ADAMTS17: variants seen among roughly 807,000 people sequenced by gnomAD.
The protein encoded by ADAMTS17 is ADAM metallopeptidase with thrombospondin type 1 motif 17.
ADAMTS17 carries 113 observed loss-of-function variants against 141.5 expected under a neutral mutation model. The observed-to-expected ratio is 0.80, with a 90% CI of 0.69 to 0.93. The LOEUF is 0.93. Among genes scored for constraint, ADAMTS17 ranks in the 40% least tolerant of loss-of-function variants. ADAMTS17 has a pLI of 0.00. For synonymous variants in ADAMTS17, 768 were observed against 630.6 expected, an observed-to-expected ratio of 1.22 and a Z score of -3.27; for missense variants, 1,659 against 1,517.9, an observed-to-expected ratio of 1.09 and a Z score of -1.54.
chr15:100,063,586 C>A, intron 15 of ADAMTS17: 1 of 1,128,276 alleles, frequency 8.9e-7, no homozygotes, highest in Non-Finnish European at 1.2e-6. Flanking sequence ...CCAGCCATAA[C>A]CCGGGAGGAA....
chr15:100,158,123 G>A (rs908550056), intron 8 of ADAMTS17, among the ~76,000 whole-genome samples: 1 of 152,112 alleles, frequency 6.6e-6, no homozygotes, highest in Non-Finnish European at 1.5e-5. Context: ...TCTTGACCTT[G>A]TGATCCGCCC....
At position 100,341,139 on chromosome 15, in the gene ADAMTS17, C is replaced by A; in HGVS notation, c.350G>T (p.Arg117Leu). 1.4e-6 allele frequency: 2 copies of A among 1,434,492 alleles called. No homozygotes were observed. Among genetic ancestry groups the A allele is most frequent in the Admixed American group, 2.8e-5 (1 of 35,374 alleles). 88.9% of individuals were successfully genotyped at this position (1,434,492 alleles called of 1,614,324 possible). A position where few individuals can be genotyped will look rare whatever the true frequency, so the allele number is the denominator to read the frequency against. The change falls in exon 2 of 22, where the codon CGC (arginine) becomes CTC (leucine). Residue 117 changes from arginine to leucine, a missense_variant. Physicochemically the swap from Arg to Leu is moderately radical, Grantham distance 102. Transcript: ENST00000268070. ...FEVEEAGAAR[R>L]RGRPAELCFY... The stretch of plus-strand genomic sequence containing the variant: ...GCACAGCTCGGCGGGGCGGCCGCGG[C>A]GCCGGGCCGCGCCCGCCTCCTCCAC...
intron 3 of ADAMTS17, among the ~76,000 whole-genome samples, chr15:100,296,202 C>G (rs960133375): frequency 2.6e-5 from 4 of 152,094 alleles, no homozygotes; most frequent in Non-Finnish European, 5.9e-5. Flanking sequence ...AACACACGCA[C>G]TTGCAAACAA....
At chr15:100,244,747 G>A (rs553009908) in intron 7 of ADAMTS17, among the ~76,000 whole-genome samples, 2 of 152,172 alleles carry the variant, frequency 1.3e-5, no homozygotes, top group Admixed American at 6.5e-5. Flanking sequence ...AACCGGAGCA[G>A]GACCCTTGTT....
intron 14 of ADAMTS17, among the ~76,000 whole-genome samples, chr15:100,099,977 G>C (rs1242365256): frequency 1.3e-5 from 2 of 152,184 alleles, no homozygotes; most frequent in African/African-American, 4.8e-5. Flanking sequence ...AGGGACAACA[G>C]CCTCCTGGTC....
At chr15:100,063,262 G>A (rs1481519961) in intron 15 of ADAMTS17, among the ~76,000 whole-genome samples, 1 of 152,130 alleles carries the variant, frequency 6.6e-6, no homozygotes, top group Non-Finnish European at 1.5e-5. Flanking sequence ...TCTTTTTCCA[G>A]CTAAGAAGTC....
intron 7 of ADAMTS17, among the ~76,000 whole-genome samples, chr15:100,200,779 G>A (rs919060492): frequency 2.0e-5 from 3 of 152,174 alleles, no homozygotes; most frequent in African/African-American, 7.2e-5. Flanking sequence ...CCACCAGGAA[G>A]GAGCACTTGC....
chr15:100,255,617 A>AACACACAC (rs10529356), intron 6 of ADAMTS17, among the ~76,000 whole-genome samples: 87 of 140,290 alleles, frequency 6.2e-4, no homozygotes, highest in African/African-American at 1.1e-3. Context: ...TGTTTTGAGC[A>AACACACAC]ACACACACAC....
At chr15:100,058,074 G>A (rs990285558) in intron 15 of ADAMTS17, among the ~76,000 whole-genome samples, 25 of 151,358 alleles carry the variant, frequency 1.7e-4, no homozygotes, top group Non-Finnish European at 3.2e-4. Flanking sequence ...CCCCTGAGAG[G>A]CAGAAGGCCT....
intron 20 of ADAMTS17, among the ~76,000 whole-genome samples, chr15:99,990,163 G>A (rs2060662893): frequency 6.6e-6 from 1 of 152,160 alleles, no homozygotes; most frequent in Admixed American, 6.5e-5. Context: ...AGCCTCCTAA[G>A]GAGCTAAGAC....
intron 8 of ADAMTS17, among the ~76,000 whole-genome samples, chr15:100,183,482 A>G (rs146573864): frequency 1.6e-4 from 24 of 152,296 alleles, no homozygotes; most frequent in Non-Finnish European, 1.5e-5. Context: ...TTTCAGTTCT[A>G]TAATTTTCAT....
intron 9 of ADAMTS17, among the ~76,000 whole-genome samples, chr15:100,154,011 T>G (rs1342171001): frequency 6.6e-6 from 1 of 152,164 alleles, no homozygotes; most frequent in African/African-American, 2.4e-5. Flanking sequence ...CGAAACCCCA[T>G]CTCTACTAAA....
intron 8 of ADAMTS17, among the ~76,000 whole-genome samples, chr15:100,197,463 T>C (rs1241568464): frequency 6.6e-6 from 1 of 152,198 alleles, no homozygotes; most frequent in Non-Finnish European, 1.5e-5. Flanking sequence ...CATTCTGATT[T>C]ATGCTTTTTT....
At chr15:100,072,284 A>AT (rs1388084196) in intron 15 of ADAMTS17, among the ~76,000 whole-genome samples, 2 of 148,880 alleles carry the variant, frequency 1.3e-5, no homozygotes, top group African/African-American at 5.0e-5. Context: ...AGAACATTCC[A>AT]TGCTCATGGG....
chr15:100,183,670 G>A (rs969114985), intron 8 of ADAMTS17, among the ~76,000 whole-genome samples: 3 of 152,120 alleles, frequency 2.0e-5, no homozygotes, highest in African/African-American at 7.2e-5. Context: ...CCTAGTCTTA[G>A]TATGACTAGT....
chr15:100,148,377 T>C (rs7164483), intron 10 of ADAMTS17, among the ~76,000 whole-genome samples: 2,156 of 143,542 alleles, frequency 0.015, 42 homozygotes, highest in African/African-American at 0.051. Flanking sequence ...CCACCTAGTA[T>C]CATTTTCTGC....
At chr15:100,292,621 T>C (rs916895893) in intron 3 of ADAMTS17, among the ~76,000 whole-genome samples, 2 of 152,196 alleles carry the variant, frequency 1.3e-5, no homozygotes, top group East Asian at 1.9e-4. Flanking sequence ...ACTAACCCCA[T>C]GTGCACAGAA....
chr15:100,276,787 C>CT (rs941054106), intron 4 of ADAMTS17, among the ~76,000 whole-genome samples: 70 of 152,124 alleles, frequency 4.6e-4, no homozygotes, highest in African/African-American at 1.7e-3. Context: ...CTTTCCCGTC[C>CT]TCCCGGCTTA....
intron 15 of ADAMTS17, among the ~76,000 whole-genome samples, chr15:100,065,702 C>T (rs114262989): frequency 1.3e-5 from 2 of 152,068 alleles, no homozygotes; most frequent in Non-Finnish European, 2.9e-5. Context: ...AGGTTAGGGA[C>T]ATTCTCTTGT....
Sources: allele counts gnomAD v4.1 joint callset (sites outside exome capture counted in the v4.1 genomes callset), GRCh38; gene constraint gnomAD v4.1.1; transcripts MANE v1.5; gene names NCBI Gene and HGNC (gene_info 2026-07-23, HGNC 2026-07-21).